ATR: variants seen among roughly 807,000 people sequenced by gnomAD.
ATR encodes serine/threonine-protein kinase ATR.
ATR carries 142 observed loss-of-function variants against 305.3 expected under a neutral mutation model. The observed-to-expected ratio is 0.47, with a 90% CI of 0.41 to 0.53. The LOEUF is 0.53. Ranked by LOEUF, ATR falls within the 20% of genes least tolerant of loss-of-function variation. ATR has a pLI of 0.00. For synonymous variants in ATR, 1,050 were observed against 1,068.1 expected, an observed-to-expected ratio of 0.98 and a Z score of 0.33; for missense variants, 2,135 against 3,133.1, an observed-to-expected ratio of 0.68 and a Z score of 7.60.
At chr3:142,496,559 G>A (rs1354179774) in intron 33 of ATR, 39 bp from the exon 34 acceptor site, 2 of 1,585,074 alleles carry the variant, frequency 1.3e-6, no homozygotes, top group Admixed American at 3.4e-5. Context: ...AGAGACCATT[G>A]GTAAGTGTAC....
intron 36 of ATR, among the ~76,000 whole-genome samples, chr3:142,471,756 C>A (rs1218564059): frequency 6.6e-6 from 1 of 152,088 alleles, no homozygotes; most frequent in Non-Finnish European, 1.5e-5. Flanking sequence ...GGAATAAAAT[C>A]TATTCTCAGC....
At chr3:142,526,431 C>T (rs535796568) in intron 21 of ATR, among the ~76,000 whole-genome samples, 7 of 151,890 alleles carry the variant, frequency 4.6e-5, no homozygotes, top group Non-Finnish European at 4.4e-5. Context: ...TCCAAGTGAA[C>T]GCTAAATAGT....
Position 142,485,146 on chromosome 3 carries a change from A to C in ATR, c.6215T>G (p.Phe2072Cys). 6.2e-7 allele frequency: 1 copy of C among 1,614,188 alleles called. No individual in the cohort carries two copies. Among genetic ancestry groups the C allele is most frequent in the African/African-American group, 1.3e-5 (1 of 75,054 alleles). The change falls in exon 36 of 47, where the codon TTT becomes TGT. Residue 2072 changes from phenylalanine to cysteine, a missense_variant. This residue lies in a region of ATR where 462 missense variants were observed against 887.6 expected (regional missense o/e 0.52). Coordinates refer to ENST00000350721, the MANE Select transcript of ATR (RefSeq NM_001184.4). Reference protein sequence around the residue: ...GDLIRYIVLHFGRSLQYGNQF... With the variant: ...GDLIRYIVLHCGRSLQYGNQF... ...ATGCAGTTCTCATACTCACCTGCCAAAATGAAGAACTATATACCGGATGAG... is the reference window on the plus strand; with the variant it reads ...ATGCAGTTCTCATACTCACCTGCCACAATGAAGAACTATATACCGGATGAG...
At chr3:142,477,037 C>T (rs2029886842) in intron 36 of ATR, among the ~76,000 whole-genome samples, 2 of 152,166 alleles carry the variant, frequency 1.3e-5, no homozygotes, top group South Asian at 2.1e-4. Flanking sequence ...ATGTCGTCTG[C>T]AAACAGGGAC....
intron 24 of ATR, among the ~76,000 whole-genome samples, chr3:142,515,921 C>T (rs963860123): frequency 3.9e-5 from 6 of 152,192 alleles, no homozygotes; most frequent in African/African-American, 9.7e-5. Context: ...TCCTGGGTGA[C>T]TTCAGTGTCT....
At chr3:142,479,373 C>A (rs1301925756) in intron 36 of ATR, among the ~76,000 whole-genome samples, 1 of 152,136 alleles carries the variant, frequency 6.6e-6, no homozygotes, top group Non-Finnish European at 1.5e-5. Flanking sequence ...ATATGAAATT[C>A]TGGGTTGAAA....
In ATR at chr3:142,496,624, T is replaced by C; in HGVS notation, c.5739-104A>G. On this transcript the variant is annotated intron_variant, in intron 33 of 46. Coordinates refer to ENST00000350721, the MANE Select transcript of ATR (RefSeq NM_001184.4). Reference sequence around the variant, plus strand: ...CTAGGTCATAAACTTTGCAAGTAGTTCCAATGTTTTGAAAGCCTCTGTTCC... The same window carrying C: ...CTAGGTCATAAACTTTGCAAGTAGTCCCAATGTTTTGAAAGCCTCTGTTCC... 2.4e-6 allele frequency: 3 copies of C among 1,257,366 alleles called. No individual in the cohort carries two copies. In the East Asian group the frequency reaches 7.2e-5, roughly 30 times the overall value. 77.9% of individuals were successfully genotyped at this position (1,257,366 alleles called of 1,614,324 possible). A position where few individuals can be genotyped will look rare whatever the true frequency, so the allele number is the denominator to read the frequency against.
Position 142,470,201 on chromosome 3 carries a change from A to G in ATR, c.6222-18T>C. On this transcript the variant is annotated intron_variant, in intron 36 of 46. Transcript: ENST00000350721. ...GTAGAGATCTGCAATTATATAGACAAGAAACACTATTAGCATAGCTGTCAT... is the reference window on the plus strand; with the variant it reads ...GTAGAGATCTGCAATTATATAGACAGGAAACACTATTAGCATAGCTGTCAT... 6.5e-7 allele frequency: 1 copy of G among 1,533,952 alleles called. No homozygotes were observed. The highest frequency in any genetic ancestry group is 9.0e-7 in the Non-Finnish European group (1 of 1,110,850).
At chr3:142,555,775 A>G (rs2034647353) in intron 10 of ATR, 102 bp downstream of exon 10, 2 of 1,368,724 alleles carry the variant, frequency 1.5e-6, no homozygotes, top group Non-Finnish European at 2.0e-6. Flanking sequence ...TAAAGCATGT[A>G]ACTTCCTGTA....
rs371466221 is a variant in ATR, at chr3:142,559,364, T to C, written c.1619A>G (p.Tyr540Cys). Reference protein sequence around the residue: ...VVITWMSLDFYTKVLKSCRSL... With the variant: ...VVITWMSLDFCTKVLKSCRSL... ...TCTACAGCTCTTAAGCACTTTTGTG[T>C]AAAAATCCAATGACATCCAAGTTAT... is the stretch of plus-strand genomic sequence containing the variant. Residue 540 changes from tyrosine to cysteine, a missense_variant, in exon 7 of 47, where the codon TAC becomes TGC. Physicochemically the swap from Tyr to Cys is radical, Grantham distance 194. Coordinates refer to ENST00000350721, the MANE Select transcript of ATR (RefSeq NM_001184.4). 4 of 1,613,816 alleles carry C rather than the reference T, an allele frequency of 2.5e-6. No individual in the cohort carries two copies. The African/African-American group carries it at 5.3e-5, about 22-fold the overall frequency.
At position 142,469,426 on chromosome 3, in the gene ATR, C is replaced by A. The variant is rs2071205632; in HGVS notation, c.6463G>T (p.Glu2155Ter). ...LISRICHSHDEVFVVLMEIIA... is the reference protein window; with the variant it reads ...LISRICHSHD ...ATTTCCATCAAGACAACAAAAACTT[C>A]ATCGTGAGAATGACAAATTCGAGAG... Residue 2155 changes from glutamate (E) to a stop codon, truncating the protein, a stop_gained, in exon 38 of 47, where the codon GAA becomes TAA. Coordinates refer to ENST00000350721, the MANE Select transcript of ATR (RefSeq NM_001184.4). LOFTEE classifies it high-confidence loss of function. 1.9e-6 allele frequency: 3 copies of A among 1,613,824 alleles called. No individual in the cohort carries two copies. Among genetic ancestry groups the A allele is most frequent in the Non-Finnish European group, 8.5e-7 (1 of 1,179,944 alleles).
chr3:142,481,079 GCTGCACCCACTGTC>G (rs1034427638), intron 36 of ATR, among the ~76,000 whole-genome samples: 46 of 152,296 alleles, frequency 3.0e-4, no homozygotes, highest in African/African-American at 1.1e-3. Flanking sequence ...TGCTCGGTGC[GCTGCACCCACTGTC>G]CTGCACCCAC....
Position 142,523,993 on chromosome 3 carries a change from C to G in ATR, c.4152G>C (p.Val1384=). 1 of 1,613,426 alleles carries G rather than the reference C, an allele frequency of 6.2e-7. No individual in the cohort carries two copies. The highest frequency in any genetic ancestry group is 8.5e-7 in the Non-Finnish European group (1 of 1,179,506). ...GTCATTCCAAATTTCCACTACTTAC[C>G]ACAAATGTAAAATCTTTTCCTTGAG... The part of the protein sequence containing the change: ...TETQGKDFTF[V]TGVEDSSFAY... The change falls in exon 22 of 47, where the codon GTG becomes GTC. Residue 1384 remains valine (V), a splice_region_variant and synonymous_variant. Coordinates refer to ENST00000350721, the MANE Select transcript of ATR (RefSeq NM_001184.4).
At chr3:142,499,479 A>G in intron 31 of ATR, 148 bp downstream of exon 31, 1 of 659,288 alleles carries the variant, frequency 1.5e-6, no homozygotes, top group Admixed American at 2.3e-5. Context: ...TATTTTTAGT[A>G]GAGACGGGGT....
chr3:142,498,919 G>A (rs922074856), intron 31 of ATR, 145 bp from the exon 32 acceptor site: 1 of 799,134 alleles, frequency 1.3e-6, no homozygotes, highest in African/African-American at 1.7e-5. Flanking sequence ...CTCACTCTGT[G>A]GTCCAGGATA....
Position 142,553,531 on chromosome 3 carries a change from T to G in ATR, c.2633+109A>C, listed in dbSNP as rs112417752. The G allele has an allele frequency of 3.9e-5, 57 of 1,451,010 alleles. 1 individual carries two copies. The Middle Eastern group carries it at 7.0e-4, about 18-fold the overall frequency. The allele number at this position is 1,451,010 out of a possible 1,614,324, so 89.9% of individuals were successfully genotyped here. Reference sequence around the variant, plus strand: ...ACAAATAAATTCATGTTGACTCACATTTTGTCTATAATATCACAAATATCA... The same window carrying G: ...ACAAATAAATTCATGTTGACTCACAGTTTGTCTATAATATCACAAATATCA... On this transcript the variant is annotated intron_variant, in intron 12 of 46. Coordinates refer to ENST00000350721, the MANE Select transcript of ATR (RefSeq NM_001184.4).
Position 142,556,442 on chromosome 3 carries a change from A to G in ATR, c.2019T>C (p.Ser673=), listed in dbSNP as rs763544581. The change falls in exon 9 of 47, where the codon AGT becomes AGC. Residue 673 remains serine, a synonymous_variant. Coordinates refer to ENST00000350721, the MANE Select transcript of ATR (RefSeq NM_001184.4). ...GCTGCTGCAATAAGATAAAAAATCC[A>G]CTAACACAACTAGCCCGGATTACTT... The part of the protein sequence containing the change: ...SHEVIRASCV[S]GFFILLQQQN... 4.3e-6 allele frequency: 7 copies of G among 1,614,118 alleles called. No individual in the cohort carries two copies. In the Admixed American group the frequency reaches 1.2e-4, roughly 27 times the overall value.
chr3:142,532,804 G>T (rs2033711600), intron 21 of ATR, among the ~76,000 whole-genome samples: 1 of 152,062 alleles, frequency 6.6e-6, no homozygotes, highest in Non-Finnish European at 1.5e-5. Context: ...TCCTCTCCCT[G>T]TGGCTAAATT....
chr3:142,560,358 T>C lies in ATR; in HGVS notation c.1446A>G (p.Leu482=), dbSNP rs2108482938. ...CTAACATCTCAATAACAGGATTCTT[T>C]AGGCCACTGTATTCAAGGGAAATCT... ...SLQISLEYSG[L]KNPVIEMLEG... The change falls in exon 6 of 47, where the codon CTA becomes CTG. Residue 482 remains leucine, a synonymous_variant. Transcript: ENST00000350721. 1 of 1,613,798 alleles carries C rather than the reference T, an allele frequency of 6.2e-7. No homozygotes were observed. The highest frequency in any genetic ancestry group is 2.2e-5 in the East Asian group (1 of 44,818).
Sources: allele counts gnomAD v4.1 joint callset (sites outside exome capture counted in the v4.1 genomes callset), GRCh38; gene constraint gnomAD v4.1.1; regional missense constraint gnomAD v4.1.1; transcripts MANE v1.5; gene names NCBI Gene and HGNC (gene_info 2026-07-23, HGNC 2026-07-21).